The following NDUFAF6 variants were observed in gnomAD, a reference collection of about 807,000 sequenced individuals.
NDUFAF6 encodes NADH:ubiquinone oxidoreductase complex assembly factor 6.
A neutral mutation model predicts 40.8 loss-of-function variants in NDUFAF6; 45 were observed. The ratio of observed to expected loss-of-function variants is 1.10; its 90% CI spans 0.87 to 1.42. The LOEUF is 1.42. Ranked by LOEUF, NDUFAF6 falls within the 40% of genes most tolerant of loss-of-function variation. The pLI is 0.00. For synonymous variants in NDUFAF6, 185 were observed against 155.9 expected (o/e 1.19, Z -1.39); for missense variants, 435 against 418.5 (o/e 1.04, Z -0.34).
chr8:95,000,096 G>A (rs942503767), intron 2 of NDUFAF6, among the ~76,000 whole-genome samples: 1 of 152,040 alleles, frequency 6.6e-6, no homozygotes, highest in Non-Finnish European at 1.5e-5. Flanking sequence ...CAGAACTTTG[G>A]GAGGCTGAGG....
intron 2 of NDUFAF6, among the ~76,000 whole-genome samples, chr8:95,089,640 C>T (rs1215791274): frequency 6.6e-6 from 1 of 152,038 alleles, no homozygotes; most frequent in African/African-American, 2.4e-5. Flanking sequence ...CCCAGTGAAA[C>T]CCTCCGTAAC....
At chr8:95,078,662 A>AAATATATATATATATATATATAT (rs545018367), downstream of NDUFAF6, 13 of 121,050 alleles carry the variant, frequency 1.1e-4, no homozygotes, top group African/African-American at 4.3e-4. Flanking sequence ...AAAAAAAAAA[A>AAATATATATATATATATATATAT]ATATATATAT....
chr8:95,020,093 G>T (rs1827626699), upstream of NDUFAF6, among the ~76,000 whole-genome samples: 1 of 152,192 alleles, frequency 6.6e-6, no homozygotes, highest in Non-Finnish European at 1.5e-5. Flanking sequence ...CAGCTACTTG[G>T]GAGGCTGAGG....
chr8:94,985,501 ATATATATATATATATT>A (rs1825792817), intron 2 of NDUFAF6, among the ~76,000 whole-genome samples: 1 of 7,700 alleles, frequency 1.3e-4, no homozygotes, highest in African/African-American at 6.2e-4. Context: ...ATATATATAT[ATATATATATATATATT>A]TTTTTTTTTT....
At chr8:94,914,753 C>T (rs1484394262) in intron 1 of NDUFAF6, among the ~76,000 whole-genome samples, 2 of 151,470 alleles carry the variant, frequency 1.3e-5, no homozygotes, top group South Asian at 4.2e-4. Flanking sequence ...CCCGTCTCTA[C>T]TAAAAATACA....
At chr8:94,989,549 T>C (rs920785519) in intron 2 of NDUFAF6, among the ~76,000 whole-genome samples, 15 of 152,194 alleles carry the variant, frequency 9.9e-5, no homozygotes, top group African/African-American at 3.6e-4. Flanking sequence ...ACTCAATCAA[T>C]GTGAATGAGT....
chr8:94,934,042 A>ACT (rs1184208155), intron 1 of NDUFAF6, among the ~76,000 whole-genome samples: 7 of 151,478 alleles, frequency 4.6e-5, no homozygotes, highest in Non-Finnish European at 1.0e-4. Context: ...GCAACATTGT[A>ACT]CTCCAGCCTG....
chr8:94,947,320 A>G (rs1003431920), intron 2 of NDUFAF6, among the ~76,000 whole-genome samples: 85 of 151,838 alleles, frequency 5.6e-4, no homozygotes, highest in African/African-American at 2.0e-3. Context: ...TTGATGATCT[A>G]ACTTCTAAAT....
At chr8:95,062,180 T>G (rs1335543210), downstream of NDUFAF6, among the ~76,000 whole-genome samples, 1 of 151,890 alleles carries the variant, frequency 6.6e-6, no homozygotes, top group Non-Finnish European at 1.5e-5. Flanking sequence ...AAAATTGTGT[T>G]TGGACTCCAG....
At chr8:94,957,294 G>T (rs1823166298), upstream of NDUFAF6, among the ~76,000 whole-genome samples, 1 of 152,204 alleles carries the variant, frequency 6.6e-6, no homozygotes, top group Non-Finnish European at 1.5e-5. Context: ...GCTCAAAGAG[G>T]AGGTGGGAGT....
Position 94,982,282 on chromosome 8 carries a change from C to T in NDUFAF6, c.-84+1309C>T, listed in dbSNP as rs116198998. Among the ~76,000 whole-genome samples, 1,356 of 152,180 alleles carry T rather than the reference C, an allele frequency of 8.9e-3. 22 individuals carry two copies. The highest frequency in any genetic ancestry group is 0.03 in the African/African-American group (1,236 of 41,530). ...CTATGCTTAGATGTGTTTAGATACA[C>T]AAATACTATTGTGTCACAATTGCCT... On this transcript the variant is annotated intron_variant, in intron 2 of 9. Transcript: ENST00000396111.
chr8:94,985,515 ATTTTTTTTTTTTTTTTTTTTTTT>A (rs1200345448), intron 2 of NDUFAF6, among the ~76,000 whole-genome samples: 12 of 6,604 alleles, frequency 1.8e-3, no homozygotes, highest in Admixed American at 3.3e-3. Flanking sequence ...ATATATATAT[ATTTTTTTTTTTTTTTTTTTTTTT>A]TTTTTTTTTT....
chr8:94,919,076 A>G (rs903395810), intron 1 of NDUFAF6, among the ~76,000 whole-genome samples: 1 of 152,228 alleles, frequency 6.6e-6, no homozygotes, highest in Non-Finnish European at 1.5e-5. Context: ...TTTGAAATAC[A>G]TGTTATTTCC....
chr8:95,088,200 C>T (rs530896845), intron 2 of NDUFAF6, among the ~76,000 whole-genome samples: 4 of 152,324 alleles, frequency 2.6e-5, no homozygotes, highest in Non-Finnish European at 5.9e-5. Flanking sequence ...GGGCTCACAG[C>T]CTCCCACAGG....
chr8:94,959,324 G>A (rs1823358441), intron 1 of NDUFAF6, among the ~76,000 whole-genome samples: 1 of 152,166 alleles, frequency 6.6e-6, no homozygotes, highest in Non-Finnish European at 1.5e-5. Context: ...AATTACAGCT[G>A]TCCTGGCTAC....
chr8:94,962,200 C>G (rs1409365514), intron 1 of NDUFAF6, among the ~76,000 whole-genome samples: 1 of 152,258 alleles, frequency 6.6e-6, no homozygotes, highest in Non-Finnish European at 1.5e-5. Flanking sequence ...CTCAGAGGCA[C>G]AGCAGCCACC....
chr8:95,089,652 C>T (rs1265032864), intron 2 of NDUFAF6, among the ~76,000 whole-genome samples: 1 of 152,096 alleles, frequency 6.6e-6, no homozygotes, highest in Non-Finnish European at 1.5e-5. Flanking sequence ...CTCCGTAACA[C>T]AGACTAGGAT....
intron 2 of NDUFAF6, among the ~76,000 whole-genome samples, chr8:95,085,189 G>A (rs1253987295): frequency 6.6e-6 from 1 of 152,126 alleles, no homozygotes; most frequent in Admixed American, 6.5e-5. Flanking sequence ...CAGGATCCAG[G>A]GTCGGTTTGT....
In NDUFAF6 at chr8:95,009,304, C is replaced by T. The variant is rs117733751; in HGVS notation, c.-83-22691C>T. ...TGCCACTGTCAGCCAGCACATAATA[C>T]ATATATACCTCCATACGTAAGCAAA... On this transcript the variant is annotated intron_variant, in intron 2 of 9. Coordinates refer to the NDUFAF6 transcript ENST00000396111. Among the ~76,000 whole-genome samples the T allele has an allele frequency of 1.3e-3, 200 of 152,212 alleles. 1 individual carries two copies. The highest frequency in any genetic ancestry group is 2.6e-3 in the Non-Finnish European group (177 of 68,032).
Sources: allele counts gnomAD v4.1 joint callset (sites outside exome capture counted in the v4.1 genomes callset), GRCh38; gene constraint gnomAD v4.1.1; transcripts MANE v1.5; gene names NCBI Gene and HGNC (gene_info 2026-07-23, HGNC 2026-07-21).